The following POGLUT1 variants were observed in gnomAD, a reference collection of about 807,000 sequenced individuals.
POGLUT1 encodes the protein 9630046K23Rik.
In POGLUT1, 32 loss-of-function variants were observed where a neutral mutation model predicts 61.3. The observed-to-expected ratio is 0.52, with a 90% CI of 0.39 to 0.70. The LOEUF is 0.70. Ranked by LOEUF, POGLUT1 falls within the 30% of genes least tolerant of loss-of-function variation. POGLUT1 has a pLI of 0.00. For synonymous variants in POGLUT1, 158 were observed against 158.2 expected, an observed-to-expected ratio of 1.00 and a Z score of 0.01; for missense variants, 411 against 469.8, an observed-to-expected ratio of 0.87 and a Z score of 1.16.
In POGLUT1 at chr3:119,494,221, G is replaced by C. The variant is rs60876327; in HGVS notation, c.*1783G>C. The C allele has an allele frequency of 2.6e-5, 4 of 152,330 alleles. No homozygotes were observed. The East Asian group carries it at 7.7e-4, about 29-fold the overall frequency. 9.4% of individuals were successfully genotyped at this position (152,330 alleles called of 1,614,324 possible). On this transcript the variant is annotated 3_prime_UTR_variant, in exon 11 of 11. Transcript: ENST00000295588. The stretch of plus-strand genomic sequence containing the variant: ...GTTCTGTAAACTTATTAATGGGTGA[G>C]AATCTAATTTTACTCATCTTGATGG...
chr3:119,475,212 A>T (rs2081521576), intron 3 of POGLUT1, among the ~76,000 whole-genome samples: 1 of 152,208 alleles, frequency 6.6e-6, no homozygotes, highest in South Asian at 2.1e-4. Flanking sequence ...AAAATAAAAC[A>T]TGCTGTCTTC....
intron 8 of POGLUT1, 176 bp downstream of exon 8, chr3:119,489,163 G>A: frequency 2.3e-6 from 1 of 437,618 alleles, no homozygotes; most frequent in Non-Finnish European, 4.1e-6. Context: ...TGTGGCGACT[G>A]TAGAGAAGAA....
At chr3:119,469,264 GT>G in intron 1 of POGLUT1, 158 bp downstream of exon 1, 1 of 642,914 alleles carries the variant, frequency 1.6e-6, no homozygotes. Flanking sequence ...GGAGAGTGAG[GT>G]GCCGGGGTCT....
intron 3 of POGLUT1, among the ~76,000 whole-genome samples, chr3:119,472,077 A>G (rs1170342896): frequency 6.6e-6 from 1 of 152,180 alleles, no homozygotes; most frequent in African/African-American, 2.4e-5. Flanking sequence ...CAGGTGTGAG[A>G]CCTGAGGTAC....
rs567264375 is a variant in POGLUT1 at position 119,471,622 on chromosome 3, G to A, written c.320+170G>A. On this transcript the variant is annotated intron_variant, in intron 3 of 10. Coordinates refer to ENST00000295588, the MANE Select transcript of POGLUT1 (RefSeq NM_152305.3). ...CCTTGCCTGGGAATTTTTCTTGCGA[G>A]CTCCTCTCAAAGCCTGTCTCCTCTG... 7.8e-5 allele frequency: 49 copies of A among 631,906 alleles called. No homozygotes were observed. In the African/African-American group the frequency reaches 8.3e-4, roughly 11 times the overall value. 39.1% of individuals were successfully genotyped at this position (631,906 alleles called of 1,614,324 possible). A position where few individuals can be genotyped will look rare whatever the true frequency, so the allele number is the denominator to read the frequency against.
intron 10 of POGLUT1, 89 bp downstream of exon 10, chr3:119,491,663 G>T: frequency 1.6e-6 from 1 of 641,092 alleles, no homozygotes; most frequent in South Asian, 2.0e-5. Context: ...TGTTATCATG[G>T]TGACATCTGT....
chr3:119,472,703 C>G (rs957888740), intron 3 of POGLUT1, among the ~76,000 whole-genome samples: 4 of 146,408 alleles, frequency 2.7e-5, no homozygotes, highest in African/African-American at 1.0e-4. Context: ...GAAACAAGAG[C>G]GAAACTGTCT....
intron 4 of POGLUT1, chr3:119,478,455 G>GT (rs1401564331): frequency 6.6e-6 from 3 of 456,528 alleles, no homozygotes; most frequent in Non-Finnish European, 1.3e-5. Flanking sequence ...TCACTCAGAA[G>GT]AACAGATAGA....
At position 119,494,240 on chromosome 3, in the gene POGLUT1, T is replaced by C. The variant is rs2081788657; in HGVS notation, c.*1802T>C. 1 of 152,396 alleles carries C rather than the reference T, an allele frequency of 6.6e-6. No homozygotes were observed. Among genetic ancestry groups the C allele is most frequent in the Non-Finnish European group, 1.5e-5 (1 of 68,056 alleles). 9.4% of individuals were successfully genotyped at this position (152,396 alleles called of 1,614,324 possible). ...GGGTGAGAATCTAATTTTACTCATCTTGATGGCTTCATGATCCAGCACAGT... is the reference window on the plus strand; with the variant it reads ...GGGTGAGAATCTAATTTTACTCATCCTGATGGCTTCATGATCCAGCACAGT... On this transcript the variant is annotated 3_prime_UTR_variant, in exon 11 of 11. Coordinates refer to ENST00000295588, the MANE Select transcript of POGLUT1 (RefSeq NM_152305.3).
Position 119,469,045 on chromosome 3 carries a change from G to A in POGLUT1, c.24G>A (p.Pro8=). The change falls in exon 1 of 11, where the codon CCG becomes CCA. Residue 8 remains proline (P), a synonymous_variant. Coordinates refer to ENST00000295588, the MANE Select transcript of POGLUT1 (RefSeq NM_152305.3). MEWWASS[P]LRLWLLLFLL... is the part of the protein sequence containing the mutation. ...CGATGGAGTGGTGGGCTAGCTCGCCGCTTCGGCTCTGGCTGCTGTTGTTCC... is the reference window on the plus strand; with the variant it reads ...CGATGGAGTGGTGGGCTAGCTCGCCACTTCGGCTCTGGCTGCTGTTGTTCC... 3 of 1,609,112 alleles carry A rather than the reference G, an allele frequency of 1.9e-6. No homozygotes were observed. The highest frequency in any genetic ancestry group is 2.5e-6 in the Non-Finnish European group (3 of 1,178,916).
chr3:119,469,288 T>C, intron 1 of POGLUT1, 182 bp downstream of exon 1: 1 of 609,730 alleles, frequency 1.6e-6, no homozygotes, highest in South Asian at 1.9e-5. Context: ...GCTCCTGCTC[T>C]GGACCCTGGA....
Position 119,485,347 on chromosome 3 carries a change from T to C in POGLUT1, c.598T>C (p.Trp200Arg), listed in dbSNP as rs747726965. ...DLVRSAAQWP[W>R]KKKNSTAYFR... ...TCTTAGGTCAGCAGCACAGTGGCCATGGAAAAAGAAAAACTCTACAGCATA... is the reference window on the plus strand; with the variant it reads ...TCTTAGGTCAGCAGCACAGTGGCCACGGAAAAAGAAAAACTCTACAGCATA... The change falls in exon 6 of 11, where the codon TGG becomes CGG. Residue 200 changes from tryptophan to arginine, a missense_variant. Physicochemically the swap from Trp to Arg is moderately radical, Grantham distance 101. Transcript: ENST00000295588. 3.1e-6 allele frequency: 5 copies of C among 1,606,106 alleles called. No individual in the cohort carries two copies.
intron 3 of POGLUT1, among the ~76,000 whole-genome samples, chr3:119,476,495 G>A (rs2081539690): frequency 6.7e-6 from 1 of 149,240 alleles, no homozygotes; most frequent in African/African-American, 2.5e-5. Context: ...GTGTCACTAT[G>A]TTGCTGGTCT....
chr3:119,468,999 A>T lies in POGLUT1; in HGVS notation c.-23A>T. On this transcript the variant is annotated 5_prime_UTR_variant, in exon 1 of 11. Transcript: ENST00000295588. ...CGCTTCCGCCAGCGCCGCAGCGGGG[A>T]ATCTGCAGTAGGTCTGCCGGCGATG... 6.3e-7 allele frequency: 1 copy of T among 1,596,528 alleles called. No homozygotes were observed. Among genetic ancestry groups the T allele is most frequent in the African/African-American group, 1.3e-5 (1 of 74,554 alleles).
Position 119,471,437 on chromosome 3 carries a change from G to A in POGLUT1, c.305G>A (p.Cys102Tyr). 6.2e-7 allele frequency: 1 copy of A among 1,613,950 alleles called. No individual in the cohort carries two copies. The highest frequency in any genetic ancestry group is 8.5e-7 in the Non-Finnish European group (1 of 1,179,816). Residue 102 changes from cysteine to tyrosine, a missense_variant, in exon 3 of 11, where the codon TGC (cysteine) becomes TAC (tyrosine). Coordinates refer to ENST00000295588, the MANE Select transcript of POGLUT1 (RefSeq NM_152305.3). ...AACAGACTGTACCGGGAAAATGACT[G>A]CATGTTCCCCTCAAGGTAAGAGTTA... ...TKNRLYREND[C>Y]MFPSRCSGVE...
Position 119,480,314 on chromosome 3 carries a change from T to C in POGLUT1, c.578+142T>C, listed in dbSNP as rs1026271838. On this transcript the variant is annotated intron_variant, in intron 5 of 10. Coordinates refer to ENST00000295588, the MANE Select transcript of POGLUT1 (RefSeq NM_152305.3). ...CCCAGGCTAGAGTGCAATGGCGTGA[T>C]CTCAGCTCACCGCAACCTCCGCCTC... 4.8e-4 allele frequency: 248 copies of C among 522,004 alleles called. 1 individual carries two copies. Among genetic ancestry groups the C allele is most frequent in the Non-Finnish European group, 1.0e-4 (34 of 328,800 alleles). The allele number at this position is 522,004 out of a possible 1,614,324, so 32.3% of individuals were successfully genotyped here.
intron 4 of POGLUT1, chr3:119,478,335 C>T (rs1441219515): frequency 8.8e-6 from 4 of 456,636 alleles, no homozygotes; most frequent in South Asian, 6.2e-5. Flanking sequence ...TCTCCCTAGA[C>T]TTGTTTTATT....
chr3:119,486,385 G>A lies in POGLUT1; in HGVS notation c.639-448G>A, dbSNP rs372427975. 6.6e-5 allele frequency among the ~76,000 whole-genome samples: 10 copies of A among 152,006 alleles called. No individual in the cohort carries two copies. In the South Asian group the frequency reaches 1.7e-3, roughly 25 times the overall value. On this transcript the variant is annotated intron_variant, in intron 6 of 10. Transcript: ENST00000295588. ...AGTCGTCAGGTTTTTAAGCCCTTTG[G>A]TTTTTGTGCATTTTTTTTAAATTAA...
chr3:119,489,318 G>A (rs2081710865), intron 8 of POGLUT1: 1 of 172,912 alleles, frequency 5.8e-6, no homozygotes, highest in African/African-American at 2.4e-5. Context: ...TATTATCCTG[G>A]TGTGCTGGCA....
Sources: gnomAD v4.1 joint callset for allele counts (sites outside exome capture counted in the v4.1 genomes callset) on GRCh38, gnomAD v4.1.1 for gene constraint, MANE v1.5 for transcripts, NCBI Gene and HGNC (gene_info 2026-07-23, HGNC 2026-07-21) for gene names.